Variants in COL25A1 observed in about 807,000 individuals in gnomAD.
COL25A1 encodes collagen type XXV alpha 1 chain, also known as collagen alpha-1(XXV) chain.
A neutral mutation model predicts 128.4 loss-of-function variants in COL25A1; 103 were observed. That is an observed-to-expected ratio of 0.80 (90% CI 0.68 to 0.94). COL25A1 has a LOEUF of 0.94. Ranked by LOEUF, COL25A1 falls within the 40% of genes least tolerant of loss-of-function variation. The probability of loss-of-function intolerance (pLI) is 0.00; values close to 1 mark genes in which losing one functional copy is unlikely to be tolerated. For synonymous variants in COL25A1, 279 were observed against 277.2 expected, an observed-to-expected ratio of 1.01 and a Z score of -0.06; for missense variants, 745 against 840.0, an observed-to-expected ratio of 0.89 and a Z score of 1.40.
At chr4:109,283,959 T>C (rs1392582736) in intron 3 of COL25A1, among the ~76,000 whole-genome samples, 1 of 152,194 alleles carries the variant, frequency 6.6e-6, no homozygotes, top group Non-Finnish European at 1.5e-5. Context: ...GAAAAAACAG[T>C]GTTCTATGAC....
chr4:109,145,252 A>G (rs1403367376), intron 3 of COL25A1, among the ~76,000 whole-genome samples: 1 of 151,958 alleles, frequency 6.6e-6, no homozygotes, highest in Non-Finnish European at 1.5e-5. Flanking sequence ...TATTTTTAGT[A>G]GAGACGGGGT....
At chr4:109,272,233 C>A (rs181455065) in intron 3 of COL25A1, among the ~76,000 whole-genome samples, 6 of 151,996 alleles carry the variant, frequency 3.9e-5, no homozygotes, top group African/African-American at 1.4e-4. Context: ...GACCCTGTCT[C>A]AAAAATAAAT....
intron 8 of COL25A1, among the ~76,000 whole-genome samples, chr4:108,964,008 A>AATGGAAATAATTATTTACATATCAT (rs1376479462): frequency 1.3e-5 from 2 of 151,156 alleles, no homozygotes; most frequent in South Asian, 2.1e-4. Context: ...TACTCCATAA[A>AATGGAAATAATTATTTACATATCAT]ATGGAAATAA....
chr4:109,020,506 T>TGG (rs70949064), intron 5 of COL25A1, among the ~76,000 whole-genome samples: 1 of 123,874 alleles, frequency 8.1e-6, no homozygotes, highest in African/African-American at 3.0e-5. Flanking sequence ...GAGATTATTA[T>TGG]GGGGGGGGGG....
At chr4:109,181,076 A>C (rs1244463769) in intron 3 of COL25A1, among the ~76,000 whole-genome samples, 2 of 152,172 alleles carry the variant, frequency 1.3e-5, no homozygotes, top group Non-Finnish European at 2.9e-5. Flanking sequence ...TTTCTCACTG[A>C]GCTTCAGTGT....
chr4:109,049,149 T>A (rs1760749299), intron 4 of COL25A1, among the ~76,000 whole-genome samples: 1 of 152,192 alleles, frequency 6.6e-6, no homozygotes, highest in African/African-American at 2.4e-5. Context: ...CACACATTAA[T>A]CTGCTATCAG....
chr4:109,031,133 A>AG (rs1475130588), intron 5 of COL25A1, among the ~76,000 whole-genome samples: 2 of 151,890 alleles, frequency 1.3e-5, no homozygotes, highest in Admixed American at 1.3e-4. Flanking sequence ...CATATATTAA[A>AG]GTGTTACAAT....
intron 36 of COL25A1, among the ~76,000 whole-genome samples, chr4:108,818,829 A>G (rs969107283): frequency 2.0e-5 from 3 of 151,302 alleles, no homozygotes; most frequent in Non-Finnish European, 4.4e-5. Flanking sequence ...TTATAGCCTG[A>G]TTGAAATATA....
At chr4:109,102,229 TAC>T (rs1434827627) in intron 3 of COL25A1, among the ~76,000 whole-genome samples, 4 of 152,242 alleles carry the variant, frequency 2.6e-5, no homozygotes, top group South Asian at 4.1e-4. Context: ...ATAAATTTTA[TAC>T]AGGTAGATAA....
At chr4:109,055,820 A>C (rs1429155021) in intron 3 of COL25A1, among the ~76,000 whole-genome samples, 1 of 152,202 alleles carries the variant, frequency 6.6e-6, no homozygotes, top group African/African-American at 2.4e-5. Flanking sequence ...TTATGGCAAA[A>C]ATCACAATTA....
At chr4:109,202,142 G>T (rs1271080856) in intron 3 of COL25A1, among the ~76,000 whole-genome samples, 1 of 152,026 alleles carries the variant, frequency 6.6e-6, no homozygotes, top group East Asian at 1.9e-4. Context: ...ATATGAAAGG[G>T]CCAAAGACCC....
chr4:109,203,817 T>C (rs1776762541), intron 3 of COL25A1, among the ~76,000 whole-genome samples: 1 of 152,124 alleles, frequency 6.6e-6, no homozygotes, highest in Non-Finnish European at 1.5e-5. Flanking sequence ...TTAATTGTAA[T>C]AAAATCAAAT....
At chr4:108,942,116 G>T in intron 8 of COL25A1, 1 of 1,274,864 alleles carries the variant, frequency 7.8e-7, no homozygotes. Context: ...ATGAGAGGAA[G>T]CCAACGGGCT....
chr4:109,042,702 A>C (rs1342255760), intron 5 of COL25A1, among the ~76,000 whole-genome samples: 1 of 152,124 alleles, frequency 6.6e-6, no homozygotes, highest in African/African-American at 2.4e-5. Context: ...AAGTAGGAAT[A>C]TAAAAAGGAG....
chr4:108,894,702 C>T (rs1741928066), intron 16 of COL25A1, among the ~76,000 whole-genome samples: 1 of 152,146 alleles, frequency 6.6e-6, no homozygotes, highest in African/African-American at 2.4e-5. Context: ...TTACTGACTT[C>T]TGCTTTTAAG....
chr4:108,858,099 T>C (rs1191222757), intron 24 of COL25A1, among the ~76,000 whole-genome samples: 2 of 152,062 alleles, frequency 1.3e-5, no homozygotes, highest in Non-Finnish European at 2.9e-5. Flanking sequence ...TCAGGGGGAA[T>C]TCTGCTGTGG....
chr4:108,819,098 T>C (rs1034316469), intron 36 of COL25A1, among the ~76,000 whole-genome samples, 154 bp downstream of exon 36: 1 of 152,240 alleles, frequency 6.6e-6, no homozygotes, highest in Admixed American at 6.5e-5. Context: ...TCTCTGACTC[T>C]GCACAGTGGC....
chr4:109,252,580 C>A (rs1370062544), intron 3 of COL25A1, among the ~76,000 whole-genome samples: 1 of 152,146 alleles, frequency 6.6e-6, no homozygotes, highest in Non-Finnish European at 1.5e-5. Flanking sequence ...ATGTTTTTTG[C>A]CCATTCAGGT....
At chr4:108,983,858 G>A (rs1328008923) in intron 6 of COL25A1, among the ~76,000 whole-genome samples, 2 of 152,142 alleles carry the variant, frequency 1.3e-5, no homozygotes, top group African/African-American at 4.8e-5. Flanking sequence ...GTGTGGACCC[G>A]AAGAGTGAGC....
Sources: allele counts gnomAD v4.1 joint callset (sites outside exome capture counted in the v4.1 genomes callset), GRCh38; gene constraint gnomAD v4.1.1; transcripts MANE v1.5; gene names NCBI Gene and HGNC (gene_info 2026-07-23, HGNC 2026-07-21).